RBM27: variants seen among roughly 807,000 people sequenced by gnomAD.
RBM27 encodes the protein RNA-binding protein 27.
A neutral mutation model predicts 135.3 loss-of-function variants in RBM27; 22 were observed. The observed-to-expected ratio is 0.16, with a 90% CI of 0.12 to 0.23. RBM27 has a LOEUF of 0.23. Among genes scored for constraint, RBM27 ranks in the 10% least tolerant of loss-of-function variants. RBM27 has a pLI of 1.00. For missense variants in RBM27, 1,009 were observed against 1,281.0 expected (o/e 0.79, Z 3.24); for synonymous variants, 481 against 442.4 (o/e 1.09, Z -1.10).
At chr5:146,209,729 T>G (rs1755856573) in intron 1 of RBM27, among the ~76,000 whole-genome samples, 1 of 152,194 alleles carries the variant, frequency 6.6e-6, no homozygotes, top group African/African-American at 2.4e-5. Context: ...TTCTTAAGTT[T>G]GGGAAGTACT....
At chr5:146,270,926 TA>T (rs1758835124) in intron 17 of RBM27, 27 bp from the exon 18 acceptor site, 2 of 1,451,676 alleles carry the variant, frequency 1.4e-6, no homozygotes, top group Non-Finnish European at 1.9e-6. Flanking sequence ...ATCTAAAAAA[TA>T]CCTTTTTATT....
rs1192170743 is a variant in RBM27, at chr5:146,288,893, AAG to A, written c.*2865_*2866del. ...TTGGTGATGGATCATTATTTCAAAA[AAG>A]AAAAAAATCATGTGAAAAGGAATAG... On this transcript the variant is annotated 3_prime_UTR_variant, in exon 21 of 21. Transcript: ENST00000265271. The A allele has an allele frequency of 2.0e-5, 3 of 152,132 alleles. No homozygotes were observed. The highest frequency in any genetic ancestry group is 4.8e-5 in the African/African-American group (2 of 41,468). The allele number at this position is 152,132 out of a possible 1,614,324, so 9.4% of individuals were successfully genotyped here. A position where few individuals can be genotyped will look rare whatever the true frequency, so the allele number is the denominator to read the frequency against.
chr5:146,230,034 T>C, intron 5 of RBM27, 124 bp downstream of exon 5: 1 of 1,128,492 alleles, frequency 8.9e-7, no homozygotes. Flanking sequence ...ACTGGAATTG[T>C]CTCAAGAAGC....
At chr5:146,243,786 G>A (rs765458673) in intron 8 of RBM27, among the ~76,000 whole-genome samples, 5 of 152,106 alleles carry the variant, frequency 3.3e-5, no homozygotes, top group Admixed American at 6.6e-5. Context: ...GAAAATATAG[G>A]TGAAAAATGC....
At chr5:146,237,943 C>T (rs1757240606) in intron 8 of RBM27, among the ~76,000 whole-genome samples, 1 of 152,138 alleles carries the variant, frequency 6.6e-6, no homozygotes, top group African/African-American at 2.4e-5. Flanking sequence ...CTGCCTCGGC[C>T]TCCCAAAATG....
chr5:146,263,509 A>G lies in RBM27; in HGVS notation c.2209A>G (p.Thr737Ala). The stretch of plus-strand genomic sequence containing the variant: ...TGTGCAGATGATGAGCAAACCACAG[A>G]CATCAGGTGCATATGTTCTTAACAA... The part of the protein sequence containing the change: ...GIQKMMSKPQ[T>A]SGAYVLNKVP... Residue 737 changes from threonine to alanine, a missense_variant, in exon 14 of 21, where the codon ACA (threonine) becomes GCA (alanine). By Grantham distance (58) the Thr-to-Ala change is moderately conservative. Around this residue, in one of 6 missense-constraint regions of RBM27, gnomAD observed 355 missense variants for 427.3 expected, o/e 0.83. Coordinates refer to ENST00000265271, the MANE Select transcript of RBM27 (RefSeq NM_018989.2). The G allele has an allele frequency of 6.2e-7, 1 of 1,613,588 alleles. No homozygotes were observed. Among genetic ancestry groups the G allele is most frequent in the South Asian group, 1.1e-5 (1 of 90,920 alleles).
At chr5:146,233,098 A>T (rs973786595) in intron 6 of RBM27, among the ~76,000 whole-genome samples, 1 of 152,194 alleles carries the variant, frequency 6.6e-6, no homozygotes, top group Non-Finnish European at 1.5e-5. Flanking sequence ...CAATGCCCTT[A>T]TTCTCCCCTA....
chr5:146,259,950 G>A (rs1197333887), intron 11 of RBM27, among the ~76,000 whole-genome samples: 4 of 132,192 alleles, frequency 3.0e-5, no homozygotes, highest in Admixed American at 8.4e-5. Flanking sequence ...TCCGCAGTCC[G>A]GCCTGGGCGA....
chr5:146,217,590 T>C (rs1414342955), intron 1 of RBM27, among the ~76,000 whole-genome samples: 5 of 149,028 alleles, frequency 3.4e-5, no homozygotes, highest in African/African-American at 7.4e-5. Context: ...TCCTTTTGCC[T>C]CAGCCTCCCA....
At chr5:146,274,343 G>GC (rs1234774441) in intron 19 of RBM27, among the ~76,000 whole-genome samples, 1 of 150,392 alleles carries the variant, frequency 6.6e-6, no homozygotes, top group Non-Finnish European at 1.5e-5. Context: ...TACAACCTCT[G>GC]CCTCCTGGGT....
chr5:146,206,316 T>C (rs531447890), intron 1 of RBM27, among the ~76,000 whole-genome samples: 78 of 149,762 alleles, frequency 5.2e-4, no homozygotes, highest in Non-Finnish European at 6.7e-4. Context: ...TTTTTTTTTT[T>C]CCCCTTAATG....
At chr5:146,231,324 C>G (rs996746020) in intron 6 of RBM27, among the ~76,000 whole-genome samples, 19 of 152,146 alleles carry the variant, frequency 1.2e-4, no homozygotes, top group Non-Finnish European at 2.4e-4. Flanking sequence ...TGGCTGGTCT[C>G]GAACTCCTGA....
chr5:146,273,758 A>G (rs1260949651), intron 19 of RBM27, among the ~76,000 whole-genome samples: 1 of 152,236 alleles, frequency 6.6e-6, no homozygotes, highest in Non-Finnish European at 1.5e-5. Flanking sequence ...TTATGAAAGG[A>G]TCATGGGTGA....
chr5:146,277,156 G>C (rs1359007995), intron 19 of RBM27, among the ~76,000 whole-genome samples: 1 of 152,118 alleles, frequency 6.6e-6, no homozygotes, highest in Admixed American at 6.5e-5. Context: ...CTTTACAAAG[G>C]TAGTTACTGC....
At chr5:146,226,219 A>G (rs1756670502) in intron 3 of RBM27, among the ~76,000 whole-genome samples, 1 of 151,928 alleles carries the variant, frequency 6.6e-6, no homozygotes, top group African/African-American at 2.4e-5. Flanking sequence ...TTGGTACTTT[A>G]TAGTATATAA....
chr5:146,204,040 G>C (rs1405313004), intron 1 of RBM27, among the ~76,000 whole-genome samples: 1 of 152,274 alleles, frequency 6.6e-6, no homozygotes, highest in African/African-American at 2.4e-5. Flanking sequence ...GGGGACTGGG[G>C]GGGCAGGCAA....
chr5:146,215,901 C>G, intron 1 of RBM27, among the ~76,000 whole-genome samples: 1 of 152,088 alleles, frequency 6.6e-6, no homozygotes. Context: ...CAGGTGCACA[C>G]CACCACGCCT....
chr5:146,280,558 CCTT>C (rs1211657958), intron 19 of RBM27, among the ~76,000 whole-genome samples: 2 of 152,208 alleles, frequency 1.3e-5, no homozygotes, highest in African/African-American at 2.4e-5. Flanking sequence ...TATCTTCTCT[CCTT>C]CTCAGAGCAG....
intron 19 of RBM27, among the ~76,000 whole-genome samples, chr5:146,275,245 A>G: frequency 6.6e-6 from 1 of 151,682 alleles, no homozygotes; most frequent in East Asian, 1.9e-4. Flanking sequence ...GAATCCAGAA[A>G]GAACTTTTTA....
Sources: gnomAD v4.1 joint callset for allele counts (sites outside exome capture counted in the v4.1 genomes callset) on GRCh38, gnomAD v4.1.1 for gene constraint, gnomAD v4.1.1 regional missense constraint, MANE v1.5 for transcripts, NCBI Gene and HGNC (gene_info 2026-07-23, HGNC 2026-07-21) for gene names.